Variants in LPP observed in about 807,000 individuals in gnomAD.
LPP encodes LIM domain containing preferred translocation partner in lipoma, also known as lipoma-preferred partner.
In LPP, 38 loss-of-function variants were observed where a neutral mutation model predicts 60.4. That is an observed-to-expected ratio of 0.63 (90% CI 0.49 to 0.83). LPP has a LOEUF of 0.83. Among genes scored for constraint, LPP ranks in the 40% least tolerant of loss-of-function variants. LPP has a pLI of 0.00. For synonymous variants in LPP, 328 were observed against 290.8 expected (o/e 1.13, Z -1.30); for missense variants, 902 against 783.6 (o/e 1.15, Z -1.80).
chr3:188,514,388 T>C (rs921221413), intron 5 of LPP, among the ~76,000 whole-genome samples: 1 of 152,166 alleles, frequency 6.6e-6, no homozygotes, highest in South Asian at 2.1e-4. Context: ...ATCATCTTTT[T>C]GGTTGATCAC....
intron 3 of LPP, among the ~76,000 whole-genome samples, chr3:188,342,292 A>G (rs897289010): frequency 2.0e-5 from 3 of 152,170 alleles, no homozygotes; most frequent in Admixed American, 6.5e-5. Context: ...CCTTGCATCC[A>G]TTGTATCTGA....
At chr3:188,281,536 G>C (rs894148647) in intron 2 of LPP, among the ~76,000 whole-genome samples, 2 of 143,356 alleles carry the variant, frequency 1.4e-5, no homozygotes, top group Non-Finnish European at 3.0e-5. Flanking sequence ...CCCAGGAGGC[G>C]GAGGTTTCAG....
intron 9 of LPP, among the ~76,000 whole-genome samples, chr3:188,800,863 T>C (rs867211735): frequency 1.1e-4 from 17 of 152,318 alleles, no homozygotes; most frequent in Middle Eastern, 3.4e-3. Context: ...CCAGGTTTTT[T>C]GTTTTGTTTT....
chr3:188,720,725 C>CCT (rs1317863931), intron 8 of LPP, among the ~76,000 whole-genome samples: 1 of 152,110 alleles, frequency 6.6e-6, no homozygotes, highest in African/African-American at 2.4e-5. Flanking sequence ...TTCCAGATTT[C>CCT]CTATAGTACT....
At position 188,178,322 on chromosome 3, in the gene LPP, C is replaced by G. The variant is rs537771600; in HGVS notation, c.-190+24070C>G. ...TCTTTTCTGTCTGGAAGTCCTAGTT[C>G]TCCTCCTCACGCTGAGACCCAGGTA... On this transcript the variant is annotated intron_variant, in intron 1 of 11. Transcript: ENST00000617246. Among the ~76,000 whole-genome samples the G allele has an allele frequency of 2.9e-4, 44 of 152,346 alleles. No homozygotes were observed. The South Asian group carries it at 7.9e-3, about 27-fold the overall frequency.
chr3:188,265,468 G>A (rs1735162991), intron 2 of LPP, among the ~76,000 whole-genome samples: 1 of 152,164 alleles, frequency 6.6e-6, no homozygotes, highest in African/African-American at 2.4e-5. Context: ...ACAGGTATAG[G>A]TAAATAAGTT....
chr3:188,354,070 A>G (rs537010901), intron 3 of LPP, among the ~76,000 whole-genome samples: 2 of 152,264 alleles, frequency 1.3e-5, no homozygotes, highest in Admixed American at 6.5e-5. Flanking sequence ...AATATTTGCC[A>G]TATTCATTAG....
chr3:188,266,109 G>A (rs894097029), intron 2 of LPP, among the ~76,000 whole-genome samples: 5 of 151,942 alleles, frequency 3.3e-5, no homozygotes, highest in Admixed American at 2.0e-4. Context: ...CAGACCATGT[G>A]TGTGTTCTTC....
intron 9 of LPP, among the ~76,000 whole-genome samples, chr3:188,780,199 C>A (rs1327242766): frequency 6.6e-6 from 1 of 152,098 alleles, no homozygotes; most frequent in African/African-American, 2.4e-5. Context: ...CCCCTTCTTC[C>A]AAACTATATA....
At chr3:188,849,090 G>A (rs3842907) in intron 9 of LPP, among the ~76,000 whole-genome samples, 33,377 of 152,192 alleles carry the variant, frequency 0.22, 5,331 homozygotes, top group East Asian at 0.81. Context: ...GCACAGCACC[G>A]TGGTGAGCGA....
rs936760764 is a variant in LPP at position 188,397,734 on chromosome 3, C to T, written c.-9-8378C>T. On this transcript the variant is annotated intron_variant, in intron 3 of 11. Coordinates refer to ENST00000617246, the MANE Select transcript of LPP (RefSeq NM_001375462.1). ...GTTCAAGTGATTCTCCTGCCTTAGC[C>T]TCCCAAGTAGCTGGGACTACAGGTG... Among the ~76,000 whole-genome samples, 5 of 152,214 alleles carry T rather than the reference C, an allele frequency of 3.3e-5. No homozygotes were observed. The East Asian group carries it at 9.7e-4, about 29-fold the overall frequency.
At position 188,866,388 on chromosome 3, in the gene LPP, C is replaced by A; in HGVS notation, c.1589+10C>A. ...TTGAGGACTTCCACAAGTAGGCAACCTACTCTCTCGTCACCACCCTGCCAG... is the reference window on the plus strand; with the variant it reads ...TTGAGGACTTCCACAAGTAGGCAACATACTCTCTCGTCACCACCCTGCCAG... On this transcript the variant is annotated intron_variant, in intron 10 of 11. Coordinates refer to ENST00000617246, the MANE Select transcript of LPP (RefSeq NM_001375462.1). 1.4e-6 allele frequency: 2 copies of A among 1,445,620 alleles called. No individual in the cohort carries two copies. The highest frequency in any genetic ancestry group is 1.5e-5 in the South Asian group (1 of 65,572). 89.5% of individuals were successfully genotyped at this position (1,445,620 alleles called of 1,614,324 possible). A position where few individuals can be genotyped will look rare whatever the true frequency, so the allele number is the denominator to read the frequency against.
At chr3:188,154,423 C>T (rs1264650911) in intron 1 of LPP, among the ~76,000 whole-genome samples, 171 bp downstream of exon 1, 1 of 152,032 alleles carries the variant, frequency 6.6e-6, no homozygotes, top group Non-Finnish European at 1.5e-5. Flanking sequence ...TCACGGGGTG[C>T]ACGCCATGGG....
intron 1 of LPP, among the ~76,000 whole-genome samples, chr3:188,188,986 A>T (rs572781466): frequency 6.6e-6 from 1 of 152,330 alleles, no homozygotes; most frequent in African/African-American, 2.4e-5. Context: ...TCACAGTCTA[A>T]TTATTTTGGT....
chr3:188,395,217 G>A (rs574333807), intron 3 of LPP, among the ~76,000 whole-genome samples: 2 of 151,978 alleles, frequency 1.3e-5, no homozygotes, highest in Non-Finnish European at 2.9e-5. Context: ...GAATAAAGTT[G>A]ATTTTTAAAA....
intron 2 of LPP, among the ~76,000 whole-genome samples, chr3:188,271,596 TTGAGATAAGGCA>T (rs1560183600): frequency 6.6e-6 from 1 of 152,220 alleles, no homozygotes; most frequent in Non-Finnish European, 1.5e-5. Flanking sequence ...CACTTTCACT[TTGAGATAAGGCA>T]TGATTTTAAA....
At chr3:188,649,058 C>G (rs777672398) in intron 7 of LPP, among the ~76,000 whole-genome samples, 1 of 152,140 alleles carries the variant, frequency 6.6e-6, no homozygotes, top group Admixed American at 6.5e-5. Context: ...AAAGTGCTAT[C>G]GTCATTGTCA....
rs1269260135 is a variant in LPP at position 188,220,896 on chromosome 3, A to T, written c.-189-4509A>T. The stretch of plus-strand genomic sequence containing the variant: ...CTGTGAGTGGGGCCACAGGGAGAAG[A>T]TCCCTTCATAGGTAGCTCCCCTACC... On this transcript the variant is annotated intron_variant, in intron 1 of 11. Transcript: ENST00000617246. 4.2e-4 allele frequency among the ~76,000 whole-genome samples: 64 copies of T among 152,102 alleles called. 1 individual carries two copies. Among genetic ancestry groups the T allele is most frequent in the Non-Finnish European group, 8.8e-5 (6 of 68,014 alleles).
intron 6 of LPP, among the ~76,000 whole-genome samples, chr3:188,580,238 C>T (rs1835760072): frequency 6.7e-6 from 1 of 149,642 alleles, no homozygotes; most frequent in African/African-American, 2.5e-5. Context: ...AATTGTTTCT[C>T]AATTAAAAAA....
Sources: gnomAD v4.1 joint callset for allele counts (sites outside exome capture counted in the v4.1 genomes callset) on GRCh38, gnomAD v4.1.1 for gene constraint, MANE v1.5 for transcripts, NCBI Gene and HGNC (gene_info 2026-07-23, HGNC 2026-07-21) for gene names.